Variants in ANKRD55 observed in about 807,000 individuals in gnomAD.
ANKRD55 encodes ankyrin repeat domain 55, also known as ankyrin repeat domain-containing protein 55.
In ANKRD55, 41 loss-of-function variants were observed where a neutral mutation model predicts 60.6. That is an observed-to-expected ratio of 0.68 (90% confidence interval 0.53 to 0.88). ANKRD55 has a LOEUF of 0.88. Ranked by LOEUF, ANKRD55 falls within the 40% of genes least tolerant of loss-of-function variation. ANKRD55 has a pLI of 0.00. For synonymous variants in ANKRD55, 264 were observed against 290.3 expected, an observed-to-expected ratio of 0.91 and a Z score of 0.92; for missense variants, 732 against 767.6, an observed-to-expected ratio of 0.95 and a Z score of 0.55.
chr5:56,176,113 C>T, intron 4 of ANKRD55, 39 bp downstream of exon 4: 1 of 1,613,296 alleles, frequency 6.2e-7, no homozygotes, highest in Non-Finnish European at 8.5e-7. Flanking sequence ...CCTTCGCCTA[C>T]CCTGCTCCTT....
intron 10 of ANKRD55, among the ~76,000 whole-genome samples, chr5:56,103,011 A>G (rs1756337562): frequency 6.6e-6 from 1 of 152,224 alleles, no homozygotes; most frequent in African/African-American, 2.4e-5. Flanking sequence ...TTATCTAAGA[A>G]GCTAGAAAAC....
intron 7 of ANKRD55, among the ~76,000 whole-genome samples, chr5:56,135,134 G>A (rs1481791296): frequency 6.6e-6 from 1 of 152,022 alleles, no homozygotes; most frequent in Non-Finnish European, 1.5e-5. Flanking sequence ...AAAACCTATA[G>A]CTAACATCAT....
chr5:56,101,826 C>T (rs74749165), intron 11 of ANKRD55, among the ~76,000 whole-genome samples: 4,917 of 151,606 alleles, frequency 0.032, 138 homozygotes, highest in Admixed American at 0.055. Flanking sequence ...AGTACAGAGG[C>T]GATGTACATT....
intron 7 of ANKRD55, 145 bp downstream of exon 7, chr5:56,143,656 A>G: frequency 8.4e-7 from 1 of 1,183,590 alleles, no homozygotes; most frequent in South Asian, 1.4e-5. Flanking sequence ...TCCCCTTTGC[A>G]TCTTGGCAGG....
intron 11 of ANKRD55, among the ~76,000 whole-genome samples, chr5:56,101,556 C>A (rs553101665): frequency 5.9e-5 from 9 of 152,118 alleles, no homozygotes; most frequent in African/African-American, 2.2e-4. Context: ...ATAAAACTTG[C>A]TTTATTATTA....
intron 5 of ANKRD55, among the ~76,000 whole-genome samples, chr5:56,169,951 C>G (rs1342220890): frequency 2.0e-5 from 3 of 152,222 alleles, no homozygotes; most frequent in African/African-American, 7.2e-5. Context: ...CATGTAGACA[C>G]AGAGGAATGG....
At chr5:56,219,936 C>G (rs902249000) in intron 2 of ANKRD55, among the ~76,000 whole-genome samples, 2 of 152,202 alleles carry the variant, frequency 1.3e-5, no homozygotes, top group Non-Finnish European at 2.9e-5. Context: ...CCATGAATAT[C>G]AGGTACCCAG....
intron 2 of ANKRD55, among the ~76,000 whole-genome samples, chr5:56,195,686 T>G (rs1451371856): frequency 6.6e-6 from 1 of 152,120 alleles, no homozygotes; most frequent in Non-Finnish European, 1.5e-5. Context: ...TCAGGTGATC[T>G]ACCCATCTCC....
At chr5:56,176,013 T>C (rs116753755) in intron 4 of ANKRD55, 139 bp downstream of exon 4, 24,477 of 1,105,970 alleles carry the variant, frequency 0.022, 328 homozygotes, top group Non-Finnish European at 0.027. Context: ...ACGTTGAAGA[T>C]GATTGGAGTA....
chr5:56,161,892 T>G, intron 5 of ANKRD55: 1 of 812,500 alleles, frequency 1.2e-6, no homozygotes, highest in Non-Finnish European at 1.5e-6. Flanking sequence ...AATAATTGCA[T>G]TTTGGGTCAC....
intron 2 of ANKRD55, among the ~76,000 whole-genome samples, chr5:56,212,716 A>T (rs1163961759): frequency 6.6e-6 from 1 of 152,234 alleles, no homozygotes; most frequent in East Asian, 1.9e-4. Context: ...AAATGACAGG[A>T]TTTGAAACCA....
At chr5:56,148,059 T>A (rs1037180049) in intron 6 of ANKRD55, among the ~76,000 whole-genome samples, 2 of 152,244 alleles carry the variant, frequency 1.3e-5, no homozygotes, top group African/African-American at 4.8e-5. Context: ...CTGTGGCATA[T>A]TCAGCATGGT....
rs753468983 is a variant in ANKRD55 at position 56,176,140 on chromosome 5, A to G, written c.312+12T>C. On this transcript the variant is annotated intron_variant, in intron 4 of 11. Transcript: ENST00000341048. Reference sequence around the variant, plus strand: ...CTGCTCCTTCCACCCTGTGACAGGCACAAGTCAGTACCAGGTAGGTGGCCA... The same window carrying G: ...CTGCTCCTTCCACCCTGTGACAGGCGCAAGTCAGTACCAGGTAGGTGGCCA... 1 of 1,614,146 alleles carries G rather than the reference A, an allele frequency of 6.2e-7. No individual in the cohort carries two copies. Among genetic ancestry groups the G allele is most frequent in the African/African-American group, 1.3e-5 (1 of 75,054 alleles).
intron 2 of ANKRD55, among the ~76,000 whole-genome samples, chr5:56,203,568 G>A (rs1447300536): frequency 6.6e-6 from 1 of 152,018 alleles, no homozygotes; most frequent in African/African-American, 2.4e-5. Context: ...TCCCACCTAT[G>A]AGTGAGAACA....
At position 56,126,965 on chromosome 5, in the gene ANKRD55, T is replaced by A. The variant is rs946003276; in HGVS notation, c.754A>T (p.Arg252Ter). 1.2e-6 allele frequency: 2 copies of A among 1,613,764 alleles called. No homozygotes were observed. The highest frequency in any genetic ancestry group is 2.7e-5 in the African/African-American group (2 of 74,922). The change falls in exon 8 of 12, where the codon AGA becomes TGA. Residue 252 changes from arginine to a stop codon, truncating the protein, a stop_gained. Transcript: ENST00000341048. LOFTEE classifies it high-confidence loss of function. ...GFSDIIHELA[R>*]VPECNLQALD... The stretch of plus-strand genomic sequence containing the variant: ...GCCTGCAGGTTACACTCAGGGACTC[T>A]TGCCAGCTCATGAATAATATCGCTG...
intron 6 of ANKRD55, among the ~76,000 whole-genome samples, 170 bp from the exon 7 acceptor site, chr5:56,144,099 T>G (rs1436437600): frequency 6.6e-6 from 1 of 152,252 alleles, no homozygotes; most frequent in Non-Finnish European, 1.5e-5. Context: ...GTTTATTGTC[T>G]GTCTGCTTTG....
chr5:56,137,343 C>A, intron 7 of ANKRD55: 1 of 1,442,338 alleles, frequency 6.9e-7, no homozygotes, highest in Non-Finnish European at 9.6e-7. Flanking sequence ...GAACAAAGCA[C>A]CTAAGATGTG....
chr5:56,197,275 T>C (rs546715715), intron 2 of ANKRD55, among the ~76,000 whole-genome samples: 77 of 152,320 alleles, frequency 5.1e-4, no homozygotes, highest in African/African-American at 1.7e-3. Flanking sequence ...CGATAAAATC[T>C]GTAATTCTCC....
At chr5:56,122,054 AAGCTGAAGCTT>A (rs2111706370) in intron 8 of ANKRD55, among the ~76,000 whole-genome samples, 1 of 152,354 alleles carries the variant, frequency 6.6e-6, no homozygotes, top group African/African-American at 2.4e-5. Context: ...GAAGTTTGAG[AAGCTGAAGCTT>A]AGCTGAAGCA....
Sources: allele counts gnomAD v4.1 joint callset (sites outside exome capture counted in the v4.1 genomes callset), GRCh38; gene constraint gnomAD v4.1.1; transcripts MANE v1.5; gene names NCBI Gene and HGNC (gene_info 2026-07-23, HGNC 2026-07-21).